CDV3: variants seen among roughly 807,000 people sequenced by gnomAD.
CDV3 encodes the protein CDV3 homolog.
CDV3 carries 14 observed loss-of-function variants against 24.5 expected under a neutral mutation model. The observed-to-expected ratio is 0.57, with a 90% CI of 0.38 to 0.89. The LOEUF (loss-of-function observed/expected upper bound fraction) is 0.89, where lower values mean the gene tolerates loss of function less well. Among genes scored for constraint, CDV3 ranks in the 40% least tolerant of loss-of-function variants. CDV3 has a pLI of 0.00. For synonymous variants in CDV3, 114 were observed against 114.1 expected (o/e 1.00, Z 0.00); for missense variants, 304 against 310.2 (o/e 0.98, Z 0.15).
At chr3:133,578,779 C>T (rs1209271395) in intron 2 of CDV3, among the ~76,000 whole-genome samples, 2 of 152,122 alleles carry the variant, frequency 1.3e-5, no homozygotes, top group Non-Finnish European at 2.9e-5. Flanking sequence ...GCAGCTCAAT[C>T]CAGTCTGATT....
chr3:133,576,844 T>TTTTTC (rs1413563829), intron 2 of CDV3, among the ~76,000 whole-genome samples: 1 of 109,960 alleles, frequency 9.1e-6, no homozygotes, highest in Non-Finnish European at 2.0e-5. Context: ...AGACTAGCTT[T>TTTTTC]TTTTTTTTTT....
chr3:133,578,617 G>C (rs2074905280), intron 2 of CDV3, among the ~76,000 whole-genome samples: 1 of 152,216 alleles, frequency 6.6e-6, no homozygotes, highest in Non-Finnish European at 1.5e-5. Flanking sequence ...CATCCATGAA[G>C]GGGTCAGGAA....
Position 133,588,121 on chromosome 3 carries a change from T to C in CDV3, c.*75T>C. On this transcript the variant is annotated 3_prime_UTR_variant, in exon 5 of 5. Coordinates refer to ENST00000264993, the MANE Select transcript of CDV3 (RefSeq NM_017548.5). ...CCACCAACAGCCATTCATCATCTGA[T>C]CTCTGCTGGATCTACAGACACCGAT... The C allele has an allele frequency of 1.9e-6, 3 of 1,578,972 alleles. No homozygotes were observed. The highest frequency in any genetic ancestry group is 2.4e-5 in the South Asian group (2 of 84,764).
Position 133,574,116 on chromosome 3 carries a change from G to A in CDV3, c.72G>A (p.Arg24=), listed in dbSNP as rs1162577160. 2 of 1,209,166 alleles carry A rather than the reference G, an allele frequency of 1.7e-6. No individual in the cohort carries two copies. Among genetic ancestry groups the A allele is most frequent in the Non-Finnish European group, 2.1e-6 (2 of 949,770 alleles). 74.9% of individuals were successfully genotyped at this position (1,209,166 alleles called of 1,614,324 possible). A position where few individuals can be genotyped will look rare whatever the true frequency, so the allele number is the denominator to read the frequency against. Residue 24 remains arginine (R), a synonymous_variant, in exon 1 of 5, where the codon CGG becomes CGA. Coordinates refer to ENST00000264993, the MANE Select transcript of CDV3 (RefSeq NM_017548.5). ...GGGACAAGAAGAAGAAGAAGGAGCG[G>A]AGCAACCGGGCGGCGAGTGCCGCGG... The part of the protein sequence containing the change: ...AKRDKKKKKE[R]SNRAASAAGA...
chr3:133,585,744 C>T (rs1933535654), intron 3 of CDV3, among the ~76,000 whole-genome samples: 1 of 152,084 alleles, frequency 6.6e-6, no homozygotes, highest in Non-Finnish European at 1.5e-5. Context: ...GATCTGCCTG[C>T]CTCGGGCTTC....
At chr3:133,574,978 TATTTGCTTAGTTATATGTCTACAA>T (rs1255445795) in intron 1 of CDV3, 37 bp from the exon 2 acceptor site, 10 of 1,029,414 alleles carry the variant, frequency 9.7e-6, no homozygotes, top group African/African-American at 1.6e-5. Flanking sequence ...CGTAGTGTGT[TATTTGCTTAGTTATATGTCTACAA>T]ATAGCTTTAA....
intron 4 of CDV3, chr3:133,587,167 T>C: frequency 7.5e-7 from 1 of 1,338,252 alleles, no homozygotes; most frequent in African/African-American, 1.5e-5. Context: ...AGCAGGTACT[T>C]AAAATGAATG....
chr3:133,574,885 A>C, intron 1 of CDV3, 154 bp from the exon 2 acceptor site: 2 of 723,576 alleles, frequency 2.8e-6, no homozygotes, highest in South Asian at 4.1e-5. Context: ...CATTTAGCCT[A>C]GTTTGCCCCA....
At position 133,583,624 on chromosome 3, in the gene CDV3, A is replaced by G. The variant is rs933047586; in HGVS notation, c.318-378A>G. ...GTCGCCCAGGAGGGAGTGCAGTGGC[A>G]CGATCTCAGCTCACTGCAGCCTCTG... On this transcript the variant is annotated intron_variant, in intron 2 of 4. Transcript: ENST00000264993. Among the ~76,000 whole-genome samples the G allele has an allele frequency of 3.3e-5, 5 of 152,274 alleles. No individual in the cohort carries two copies. The East Asian group carries it at 7.7e-4, about 24-fold the overall frequency.
intron 2 of CDV3, among the ~76,000 whole-genome samples, chr3:133,579,598 CTT>C (rs1426249965): frequency 6.9e-6 from 1 of 145,398 alleles, no homozygotes; most frequent in African/African-American, 2.5e-5. Flanking sequence ...TTTGTTCGTT[CTT>C]TTTTTTTTTT....
chr3:133,581,184 A>G (rs1932976276), intron 2 of CDV3, among the ~76,000 whole-genome samples: 1 of 152,096 alleles, frequency 6.6e-6, no homozygotes, highest in Admixed American at 6.6e-5. Flanking sequence ...GGAGTTCAAG[A>G]CCAGCCTGGG....
At chr3:133,583,516 G>A (rs1299675733) in intron 2 of CDV3, among the ~76,000 whole-genome samples, 2 of 152,106 alleles carry the variant, frequency 1.3e-5, no homozygotes, top group Admixed American at 6.6e-5. Flanking sequence ...TCTTATGTGG[G>A]GCTGCTATAA....
chr3:133,580,094 A>G (rs1041103945), intron 2 of CDV3, among the ~76,000 whole-genome samples: 1 of 152,006 alleles, frequency 6.6e-6, no homozygotes, highest in African/African-American at 2.4e-5. Context: ...TACATTAGGT[A>G]TTTCTCCTAA....
chr3:133,585,508 T>G (rs1490279427), intron 3 of CDV3, among the ~76,000 whole-genome samples: 1 of 145,878 alleles, frequency 6.9e-6, no homozygotes, highest in Non-Finnish European at 1.5e-5. Flanking sequence ...TTCTTTTTTT[T>G]TTTTAAGACA....
chr3:133,589,971 T>G lies in CDV3; in HGVS notation c.*1925T>G, dbSNP rs1461904592. On this transcript the variant is annotated 3_prime_UTR_variant, in exon 5 of 5. Transcript: ENST00000264993. Reference sequence around the variant, plus strand: ...CCCTGCATTTTTTCCCAACAAAATTTTGTTGGGGGTTATGTTACTGAAGAA... The same window carrying G: ...CCCTGCATTTTTTCCCAACAAAATTGTGTTGGGGGTTATGTTACTGAAGAA... 13 of 152,228 alleles carry G rather than the reference T, an allele frequency of 8.5e-5. No homozygotes were observed. The highest frequency in any genetic ancestry group is 1.0e-4 in the Non-Finnish European group (7 of 68,042). 9.4% of individuals were successfully genotyped at this position (152,228 alleles called of 1,614,324 possible). A position where few individuals can be genotyped will look rare whatever the true frequency, so the allele number is the denominator to read the frequency against.
In CDV3 at chr3:133,588,339, C is replaced by CT. The variant is rs750845081; in HGVS notation, c.*298dup. The CT allele has an allele frequency of 2.6e-6, 4 of 1,536,184 alleles. No homozygotes were observed. Among genetic ancestry groups the CT allele is most frequent in the African/African-American group, 2.7e-5 (2 of 73,056 alleles). On this transcript the variant is annotated 3_prime_UTR_variant, in exon 5 of 5. Coordinates refer to ENST00000264993, the MANE Select transcript of CDV3 (RefSeq NM_017548.5). ...CTGCAGCCAGTGGTCATTTCAAAATCTTTTTATGTTCAGATACTGAGCCTT... is the reference window on the plus strand; with the variant it reads ...CTGCAGCCAGTGGTCATTTCAAAATCTTTTTTATGTTCAGATACTGAGCCTT...
chr3:133,580,910 AT>A (rs374258626), intron 2 of CDV3, among the ~76,000 whole-genome samples: 31 of 152,108 alleles, frequency 2.0e-4, no homozygotes, highest in African/African-American at 7.2e-4. Context: ...AATTAAACAG[AT>A]TATGCTTATT....
intron 2 of CDV3, among the ~76,000 whole-genome samples, chr3:133,581,488 A>G (rs1490373410): frequency 6.6e-6 from 1 of 152,250 alleles, no homozygotes; most frequent in African/African-American, 2.4e-5. Context: ...AGCATAAAGA[A>G]ATATGTAAGA....
chr3:133,589,161 T>A lies in CDV3; in HGVS notation c.*1115T>A, dbSNP rs1332498380. The A allele has an allele frequency of 6.6e-6, 1 of 152,660 alleles. No individual in the cohort carries two copies. Among genetic ancestry groups the A allele is most frequent in the Non-Finnish European group, 1.5e-5 (1 of 68,048 alleles). The allele number at this position is 152,660 out of a possible 1,614,324, so 9.5% of individuals were successfully genotyped here. A position where few individuals can be genotyped will look rare whatever the true frequency, so the allele number is the denominator to read the frequency against. On this transcript the variant is annotated 3_prime_UTR_variant, in exon 5 of 5. Coordinates refer to ENST00000264993, the MANE Select transcript of CDV3 (RefSeq NM_017548.5). ...CTGTCCTTAGAAATTCAGAGTAACA[T>A]GAGCAAAACCTCAGCTAAAACCCAT...
Sources: allele counts gnomAD v4.1 joint callset (sites outside exome capture counted in the v4.1 genomes callset), GRCh38; gene constraint gnomAD v4.1.1; transcripts MANE v1.5; gene names NCBI Gene and HGNC (gene_info 2026-07-23, HGNC 2026-07-21).